TMEM231: variants seen among roughly 807,000 people sequenced by gnomAD.
TMEM231 encodes transmembrane protein 231.
A neutral mutation model predicts 38.5 loss-of-function variants in TMEM231; 40 were observed. The observed-to-expected ratio is 1.04, with a 90% CI of 0.81 to 1.35. The LOEUF (loss-of-function observed/expected upper bound fraction) is 1.35, where lower values mean the gene tolerates loss of function less well. Among genes scored for constraint, TMEM231 ranks in the 40% most tolerant of loss-of-function variants. The pLI, the probability that TMEM231 is intolerant of heterozygous loss-of-function variation, is 0.00. For synonymous variants in TMEM231, 199 were observed against 181.7 expected, an observed-to-expected ratio of 1.10 and a Z score of -0.77; for missense variants, 420 against 416.9, an observed-to-expected ratio of 1.01 and a Z score of -0.07.
chr16:75,540,663 C>G (rs759298601), intron 6 of TMEM231, among the ~76,000 whole-genome samples: 2 of 152,134 alleles, frequency 1.3e-5, no homozygotes, highest in African/African-American at 2.4e-5. Flanking sequence ...CGACCTAAGT[C>G]AAAATTAAAC....
rs1005523059 is a variant in TMEM231, at chr16:75,538,165, G to T, written c.*1829C>A. The T allele has an allele frequency of 9.9e-5, 15 of 151,480 alleles. No homozygotes were observed. Among genetic ancestry groups the T allele is most frequent in the African/African-American group, 3.4e-4 (14 of 41,192 alleles). The allele number at this position is 151,480 out of a possible 1,614,324, so 9.4% of individuals were successfully genotyped here. A position where few individuals can be genotyped will look rare whatever the true frequency, so the allele number is the denominator to read the frequency against. Reference sequence around the variant, plus strand: ...TTTATTTATTTATTTTAACAGATAGGGTCTCACTCTGTCACCCAGGCTACA... The same window carrying T: ...TTTATTTATTTATTTTAACAGATAGTGTCTCACTCTGTCACCCAGGCTACA... On this transcript the variant is annotated 3_prime_UTR_variant, in exon 7 of 7. Transcript: ENST00000258173.
rs1354107016 is a variant in TMEM231 at position 75,556,061 on chromosome 16, G to A, written c.139+10C>T. 3 of 1,566,122 alleles carry A rather than the reference G, an allele frequency of 1.9e-6. No homozygotes were observed. The highest frequency in any genetic ancestry group is 2.6e-6 in the Non-Finnish European group (3 of 1,156,192). ...GGAGCCTCGTGGCACAGCGGCCGGG[G>A]CAGGCTCACCGTGGCTCCGGAAGGC... On this transcript the variant is annotated intron_variant, in intron 1 of 6. Coordinates refer to ENST00000258173, the MANE Select transcript of TMEM231 (RefSeq NM_001077418.3).
intron 2 of TMEM231, among the ~76,000 whole-genome samples, chr16:75,553,481 G>C (rs2080782609): frequency 1.3e-5 from 2 of 151,876 alleles, no homozygotes; most frequent in African/African-American, 2.4e-5. Flanking sequence ...AGTTAGCCCG[G>C]AGTGGTGGTG....
chr16:75,547,937 C>T (rs896820073), intron 2 of TMEM231, among the ~76,000 whole-genome samples: 1 of 152,180 alleles, frequency 6.6e-6, no homozygotes, highest in African/African-American at 2.4e-5. Context: ...CATTTCTCAA[C>T]TTGCAACAGA....
At chr16:75,546,734 C>A (rs559853242) in intron 2 of TMEM231, among the ~76,000 whole-genome samples, 1 of 152,306 alleles carries the variant, frequency 6.6e-6, no homozygotes, top group African/African-American at 2.4e-5. Context: ...TGAGCCACCG[C>A]ACCCGGCCTT....
Position 75,538,795 on chromosome 16 carries a change from G to A in TMEM231, c.*1199C>T, listed in dbSNP as rs2080587844. 6.6e-6 allele frequency: 1 copy of A among 152,200 alleles called. No homozygotes were observed. The highest frequency in any genetic ancestry group is 2.4e-5 in the African/African-American group (1 of 41,464). The allele number at this position is 152,200 out of a possible 1,614,324, so 9.4% of individuals were successfully genotyped here. A position where few individuals can be genotyped will look rare whatever the true frequency, so the allele number is the denominator to read the frequency against. On this transcript the variant is annotated 3_prime_UTR_variant, in exon 7 of 7. Transcript: ENST00000258173. Reference sequence around the variant, plus strand: ...TGCCCACATCCTCAGGAGGTGAATGGGCTGAACAAGCCATCTTCCGTGTGC... The same window carrying A: ...TGCCCACATCCTCAGGAGGTGAATGAGCTGAACAAGCCATCTTCCGTGTGC...
In TMEM231 at chr16:75,537,444, C is replaced by T. The variant is rs2650397; in HGVS notation, c.*2550G>A. 2.0e-5 allele frequency: 3 copies of T among 151,632 alleles called. No individual in the cohort carries two copies. The highest frequency in any genetic ancestry group is 1.3e-4 in the Admixed American group (2 of 15,228). 9.4% of individuals were successfully genotyped at this position (151,632 alleles called of 1,614,324 possible). On this transcript the variant is annotated 3_prime_UTR_variant, in exon 7 of 7. Transcript: ENST00000258173. Reference sequence around the variant, plus strand: ...ATTCAGTAATAACATCAAACCTTAACTTAGCTATGGGTCGGAGCTGAGTTA... The same window carrying T: ...ATTCAGTAATAACATCAAACCTTAATTTAGCTATGGGTCGGAGCTGAGTTA...
At chr16:75,553,621 C>CA (rs60225459) in intron 2 of TMEM231, among the ~76,000 whole-genome samples, 7,219 of 91,274 alleles carry the variant, frequency 0.079, 284 homozygotes, top group East Asian at 0.18. Context: ...AACTCTGTTG[C>CA]AAAAAAAAAA....
chr16:75,551,058 T>C (rs1344601735), intron 2 of TMEM231, among the ~76,000 whole-genome samples: 1 of 152,218 alleles, frequency 6.6e-6, no homozygotes, highest in Non-Finnish European at 1.5e-5. Context: ...TTTATACCAG[T>C]GTCTATTTCA....
chr16:75,551,750 T>C (rs1339923227), intron 2 of TMEM231, among the ~76,000 whole-genome samples: 6 of 151,370 alleles, frequency 4.0e-5, no homozygotes, highest in Non-Finnish European at 7.4e-5. Context: ...TCACCTGAGG[T>C]CAGGAGTTCG....
At chr16:75,551,010 C>T (rs1343576875) in intron 2 of TMEM231, among the ~76,000 whole-genome samples, 2 of 152,158 alleles carry the variant, frequency 1.3e-5, no homozygotes, top group Admixed American at 1.3e-4. Context: ...AGCCACTGCG[C>T]CCGGCCCATA....
At chr16:75,544,997 C>T (rs1043092350) in intron 4 of TMEM231, among the ~76,000 whole-genome samples, 2 of 135,934 alleles carry the variant, frequency 1.5e-5, no homozygotes, top group Admixed American at 8.3e-5. Context: ...GCTCTGTTGC[C>T]CAGGCTGGAG....
intron 6 of TMEM231, among the ~76,000 whole-genome samples, 176 bp downstream of exon 6, chr16:75,541,174 T>C (rs1179342724): frequency 7.3e-6 from 1 of 137,544 alleles, no homozygotes; most frequent in Non-Finnish European, 1.5e-5. Flanking sequence ...CCACTATGCC[T>C]GGCTAATTTT....
chr16:75,545,610 G>A (rs1597041650), intron 3 of TMEM231, 115 bp from the exon 4 acceptor site: 2 of 710,152 alleles, frequency 2.8e-6, no homozygotes, highest in East Asian at 5.6e-5. Context: ...ACCTAGCGTA[G>A]CCATGCAGGA....
chr16:75,537,345 G>A lies in TMEM231; in HGVS notation c.*2649C>T, dbSNP rs1462469171. On this transcript the variant is annotated 3_prime_UTR_variant, in exon 7 of 7. Coordinates refer to ENST00000258173, the MANE Select transcript of TMEM231 (RefSeq NM_001077418.3). ...ATTAGCCTTACATGATGGAATATTA[G>A]GGGGGCCTCATCTGACTTAAGCCGA... 2.6e-5 allele frequency: 4 copies of A among 151,588 alleles called. No homozygotes were observed. Among genetic ancestry groups the A allele is most frequent in the Admixed American group, 2.0e-4 (3 of 15,224 alleles). The allele number at this position is 151,588 out of a possible 1,614,324, so 9.4% of individuals were successfully genotyped here.
At chr16:75,550,834 A>G (rs1349150441) in intron 2 of TMEM231, among the ~76,000 whole-genome samples, 3 of 150,764 alleles carry the variant, frequency 2.0e-5, no homozygotes, top group Non-Finnish European at 4.4e-5. Context: ...CTCGTGCCTC[A>G]GCCTCCCAAA....
intron 4 of TMEM231, among the ~76,000 whole-genome samples, chr16:75,543,887 C>G (rs1484981131): frequency 1.3e-5 from 2 of 152,206 alleles, no homozygotes; most frequent in African/African-American, 2.4e-5. Context: ...CACTATATAT[C>G]TACAAGTCTG....
At chr16:75,555,492 T>A (rs891723801) in intron 2 of TMEM231, 12 of 358,026 alleles carry the variant, frequency 3.4e-5, no homozygotes, top group Non-Finnish European at 6.0e-5. Flanking sequence ...ACACCCTCCA[T>A]CAGGCCAGGC....
At chr16:75,553,928 T>C (rs948127101) in intron 2 of TMEM231, among the ~76,000 whole-genome samples, 2 of 152,160 alleles carry the variant, frequency 1.3e-5, no homozygotes, top group Non-Finnish European at 2.9e-5. Flanking sequence ...AGGCATTCTC[T>C]ATTGAGTTCC....
Sources: allele counts gnomAD v4.1 joint callset (sites outside exome capture counted in the v4.1 genomes callset), GRCh38; gene constraint gnomAD v4.1.1; transcripts MANE v1.5; gene names NCBI Gene and HGNC (gene_info 2026-07-23, HGNC 2026-07-21).